Variants in RXRA observed in about 807,000 individuals in gnomAD.
RXRA encodes retinoid X receptor alpha.
In RXRA, 5 loss-of-function variants were observed where a neutral mutation model predicts 44.5. That is an observed-to-expected ratio of 0.11 (90% confidence interval 0.06 to 0.24). The LOEUF (loss-of-function observed/expected upper bound fraction) is 0.24, where lower values mean the gene tolerates loss of function less well. RXRA is among the 10% of genes least tolerant of loss of function. The pLI, the probability that RXRA is intolerant of heterozygous loss-of-function variation, is 1.00. For missense variants in RXRA, 412 were observed against 646.5 expected (o/e 0.64, Z 3.93); for synonymous variants, 291 against 271.4 (o/e 1.07, Z -0.71).
At position 134,433,269 on chromosome 9, in the gene RXRA, G is replaced by C. The variant is rs1171684766; in HGVS notation, c.1136-833G>C. ...CCCGGCCCGAGGAATCCCCATTCAG[G>C]TCCTGTGTGGTCTGGTTGCTAGAGC... is the stretch of plus-strand genomic sequence containing the variant. On this transcript the variant is annotated intron_variant, in intron 8 of 9. Transcript: ENST00000481739. This position sits in a 1 kb window ranked among gnomAD's most constrained non-coding sequence, Gnocchi z 4.2. 1.3e-5 allele frequency among the ~76,000 whole-genome samples: 2 copies of C among 152,180 alleles called. No individual in the cohort carries two copies. Among genetic ancestry groups the C allele is most frequent in the African/African-American group, 4.8e-5 (2 of 41,448 alleles).
intron 1 of RXRA, among the ~76,000 whole-genome samples, chr9:134,353,430 A>G (rs540616190): frequency 6.6e-6 from 1 of 152,272 alleles, no homozygotes; most frequent in South Asian, 2.1e-4. Flanking sequence ...CCATGCATGT[A>G]CACCGCACGT....
At chr9:134,344,484 C>G (rs1830126138) in intron 1 of RXRA, among the ~76,000 whole-genome samples, 1 of 152,204 alleles carries the variant, frequency 6.6e-6, no homozygotes, top group Admixed American at 6.5e-5. Flanking sequence ...GGGCACCCGC[C>G]CAAGGCTTAG....
chr9:134,414,481 TACGG>T (rs1199038583), intron 4 of RXRA, among the ~76,000 whole-genome samples: 3 of 152,250 alleles, frequency 2.0e-5, no homozygotes, highest in Admixed American at 2.0e-4. Flanking sequence ...ATTTTCATCT[TACGG>T]ATGAGGGAGC....
chr9:134,332,719 T>C (rs1554746819), intron 1 of RXRA, among the ~76,000 whole-genome samples: 1 of 152,104 alleles, frequency 6.6e-6, no homozygotes, highest in African/African-American at 2.4e-5. Context: ...AGTGTGGTGC[T>C]CATGGCTGGA....
At chr9:134,395,686 C>T (rs1265371361) in intron 1 of RXRA, among the ~76,000 whole-genome samples, 1 of 152,216 alleles carries the variant, frequency 6.6e-6, no homozygotes, top group Non-Finnish European at 1.5e-5. Flanking sequence ...GGCTGGACCT[C>T]CCCATGGGGC....
intron 1 of RXRA, among the ~76,000 whole-genome samples, chr9:134,396,564 C>T (rs1464009997): frequency 3.9e-5 from 6 of 152,008 alleles, no homozygotes; most frequent in African/African-American, 4.8e-5. Flanking sequence ...TTGCAGGGAC[C>T]GGGAGCAGGC....
At position 134,433,217 on chromosome 9, in the gene RXRA, C is replaced by G. The variant is rs1267517213; in HGVS notation, c.1136-885C>G. Among the ~76,000 whole-genome samples, 1 of 152,104 alleles carries G rather than the reference C, an allele frequency of 6.6e-6. No individual in the cohort carries two copies. The highest frequency in any genetic ancestry group is 1.5e-5 in the Non-Finnish European group (1 of 68,008). Reference sequence around the variant, plus strand: ...CATCCGGGCCGTAATCCTGCCAGCTCGGAGGCTGAGTCATGCCACGGCCCG... The same window carrying G: ...CATCCGGGCCGTAATCCTGCCAGCTGGGAGGCTGAGTCATGCCACGGCCCG... On this transcript the variant is annotated intron_variant, in intron 8 of 9. Coordinates refer to ENST00000481739, the MANE Select transcript of RXRA (RefSeq NM_002957.6). The surrounding 1 kb of genome is among the most constrained non-coding windows in gnomAD (Gnocchi z 4.2).
chr9:134,401,486 AGAGAGCTGTC>A, intron 1 of RXRA, 136 bp from the exon 2 acceptor site: 3 of 1,279,288 alleles, frequency 2.3e-6, no homozygotes, highest in Non-Finnish European at 3.3e-6. Flanking sequence ...AATTTGCGTC[AGAGAGCTGTC>A]GAGACCCACG....
chr9:134,327,411 G>A (rs1359238426), intron 1 of RXRA, among the ~76,000 whole-genome samples: 4 of 152,108 alleles, frequency 2.6e-5, no homozygotes, highest in African/African-American at 9.7e-5. Context: ...GCCAACTCCA[G>A]GCCCAGACCT....
rs759443108 is a variant in RXRA at position 134,422,268 on chromosome 9, C to T, written c.910+463C>T. On this transcript the variant is annotated intron_variant, in intron 6 of 9. Coordinates refer to ENST00000481739, the MANE Select transcript of RXRA (RefSeq NM_002957.6). ...TGCTCCCATCTCCCAGGACGCTCCC[C>T]GCTCCCAGGACACACTCCTACTTCC... 3.5e-5 allele frequency: 45 copies of T among 1,288,956 alleles called. 1 individual carries two copies. Among genetic ancestry groups the T allele is most frequent in the South Asian group, 3.0e-4 (24 of 81,018 alleles). The allele number at this position is 1,288,956 out of a possible 1,614,324, so 79.8% of individuals were successfully genotyped here. A position where few individuals can be genotyped will look rare whatever the true frequency, so the allele number is the denominator to read the frequency against.
At chr9:134,335,373 G>A (rs1244421093) in intron 1 of RXRA, among the ~76,000 whole-genome samples, 3 of 152,214 alleles carry the variant, frequency 2.0e-5, no homozygotes, top group Non-Finnish European at 4.4e-5. Flanking sequence ...GGGATGAGTA[G>A]GAGTTTGTTG....
At chr9:134,370,001 C>T (rs553177428) in intron 1 of RXRA, among the ~76,000 whole-genome samples, 4 of 152,276 alleles carry the variant, frequency 2.6e-5, no homozygotes, top group East Asian at 1.9e-4. Context: ...CTCGGTGCAC[C>T]GAGGAAAGCA....
At chr9:134,430,920 C>T (rs971143584) in intron 7 of RXRA, among the ~76,000 whole-genome samples, 1 of 152,230 alleles carries the variant, frequency 6.6e-6, no homozygotes, top group South Asian at 2.1e-4. Context: ...TTTCCATGCC[C>T]GCTGCCCCAT....
At chr9:134,353,677 G>A (rs534348081) in intron 1 of RXRA, among the ~76,000 whole-genome samples, 2 of 152,358 alleles carry the variant, frequency 1.3e-5, no homozygotes, top group East Asian at 3.9e-4. Context: ...TGGCAGGGCA[G>A]AGGTGCCCTT....
chr9:134,406,393 G>A (rs1045055496), intron 2 of RXRA: 1 of 140,164 alleles, frequency 7.1e-6, no homozygotes, highest in African/African-American at 2.7e-5. Context: ...ACCCTGTTTC[G>A]GAAAAAAAAA....
intron 1 of RXRA, among the ~76,000 whole-genome samples, chr9:134,376,112 T>C (rs1416427184): frequency 1.3e-5 from 2 of 152,128 alleles, no homozygotes; most frequent in African/African-American, 4.8e-5. Flanking sequence ...GTTGGGATCT[T>C]CCTTAGGAAG....
At chr9:134,397,012 C>A (rs1030240545) in intron 1 of RXRA, among the ~76,000 whole-genome samples, 2 of 152,236 alleles carry the variant, frequency 1.3e-5, no homozygotes, top group Non-Finnish European at 2.9e-5. Flanking sequence ...TTCCTGCCAC[C>A]TTCTCTGCCT....
intron 1 of RXRA, among the ~76,000 whole-genome samples, chr9:134,326,868 C>G (rs1460162323): frequency 1.5e-5 from 2 of 132,438 alleles, no homozygotes; most frequent in African/African-American, 5.6e-5. Context: ...CGGGGCTGGG[C>G]AGCGGGCGGG....
chr9:134,335,594 T>G (rs1829986752), intron 1 of RXRA, among the ~76,000 whole-genome samples: 2 of 152,168 alleles, frequency 1.3e-5, no homozygotes, highest in Non-Finnish European at 2.9e-5. Context: ...TGGGGACCCC[T>G]GTGAGCATGA....
Sources: allele counts gnomAD v4.1 joint callset (sites outside exome capture counted in the v4.1 genomes callset), GRCh38; gene constraint gnomAD v4.1.1; non-coding constraint Gnocchi (gnomAD v3.1); transcripts MANE v1.5; gene names NCBI Gene and HGNC (gene_info 2026-07-23, HGNC 2026-07-21).